The following DNAAF5 variants were observed in gnomAD, a reference collection of about 807,000 sequenced individuals.
The protein encoded by DNAAF5 is dynein axonemal assembly factor 5.
Under a neutral mutation model 75.8 loss-of-function variants are expected in DNAAF5, and 64 were observed. That is an observed-to-expected ratio of 0.84 (90% confidence interval 0.69 to 1.04). The LOEUF is 1.04. Ranked by LOEUF, DNAAF5 falls within the 50% of genes least tolerant of loss-of-function variation. DNAAF5 has a pLI of 0.00. For missense variants in DNAAF5, 1,269 were observed against 1,178.5 expected (o/e 1.08, Z -1.12); for synonymous variants, 657 against 557.2 (o/e 1.18, Z -2.52).
At chr7:734,368 C>T (rs1450581946) in intron 2 of DNAAF5, among the ~76,000 whole-genome samples, 3 of 152,180 alleles carry the variant, frequency 2.0e-5, no homozygotes, top group Admixed American at 6.5e-5. Flanking sequence ...TAGTTCTTGT[C>T]CTTCATTCTG....
At chr7:783,910 C>G (rs935178530) in intron 12 of DNAAF5, among the ~76,000 whole-genome samples, 1 of 152,174 alleles carries the variant, frequency 6.6e-6, no homozygotes, top group Non-Finnish European at 1.5e-5. Context: ...CAGCCCCGGC[C>G]CTCTCGCCTC....
rs186539381 is a variant in DNAAF5 at position 758,968 on chromosome 7, C to G, written c.1470+1974C>G. Among the ~76,000 whole-genome samples, 429 of 152,230 alleles carry G rather than the reference C, an allele frequency of 2.8e-3. 1 individual carries two copies. Among genetic ancestry groups the G allele is most frequent in the Non-Finnish European group, 4.7e-3 (317 of 68,010 alleles). On this transcript the variant is annotated intron_variant, in intron 6 of 12. Transcript: ENST00000297440. ...AAAGTGCTGGGATTACAGGTGTGAGCCACCGCACCTGGCCCCATTTTACTC... is the reference window on the plus strand; with the variant it reads ...AAAGTGCTGGGATTACAGGTGTGAGGCACCGCACCTGGCCCCATTTTACTC...
At chr7:753,784 CA>C (rs1562386307) in intron 4 of DNAAF5, among the ~76,000 whole-genome samples, 1 of 127,908 alleles carries the variant, frequency 7.8e-6, no homozygotes, top group African/African-American at 3.2e-5. Context: ...GTGTCTCTCT[CA>C]TCATATGGCG....
At chr7:772,606 G>C (rs1038606674) in intron 9 of DNAAF5, 1 of 152,260 alleles carries the variant, frequency 6.6e-6, no homozygotes, top group Non-Finnish European at 1.5e-5. Flanking sequence ...CCCCGGCTCT[G>C]CAGCGTCTTC....
chr7:774,667 C>T (rs1011899685), intron 10 of DNAAF5, among the ~76,000 whole-genome samples: 3 of 152,172 alleles, frequency 2.0e-5, no homozygotes, highest in African/African-American at 7.2e-5. Flanking sequence ...CCCTGGGCGC[C>T]CGTGCAGCAT....
intron 2 of DNAAF5, among the ~76,000 whole-genome samples, chr7:731,519 C>T (rs1441829544): frequency 6.6e-6 from 1 of 152,188 alleles, no homozygotes; most frequent in African/African-American, 2.4e-5. Flanking sequence ...GCAGCCTACT[C>T]TGTATCAATA....
At position 726,828 on chromosome 7, in the gene DNAAF5, G is replaced by A. The variant is rs1483558301; in HGVS notation, c.108G>A (p.Pro36=). 3.0e-6 allele frequency: 4 copies of A among 1,326,516 alleles called. No homozygotes were observed. The highest frequency in any genetic ancestry group is 3.8e-6 in the Non-Finnish European group (4 of 1,041,386). The allele number at this position is 1,326,516 out of a possible 1,614,324, so 82.2% of individuals were successfully genotyped here. A position where few individuals can be genotyped will look rare whatever the true frequency, so the allele number is the denominator to read the frequency against. ...ELSRALSRLL[P]GLEADSKPGR... is the part of the protein sequence containing the mutation. Reference sequence around the variant, plus strand: ...GCCGCGCCCTGAGCCGCCTGCTGCCGGGGCTGGAGGCCGACAGCAAGCCGG... The same window carrying A: ...GCCGCGCCCTGAGCCGCCTGCTGCCAGGGCTGGAGGCCGACAGCAAGCCGG... The change falls in exon 1 of 13, where the codon CCG becomes CCA. Residue 36 remains proline, a synonymous_variant. Coordinates refer to ENST00000297440, the MANE Select transcript of DNAAF5 (RefSeq NM_017802.4).
intron 2 of DNAAF5, 112 bp downstream of exon 2, chr7:729,959 TG>T (rs1223354586): frequency 1.0e-6 from 1 of 999,178 alleles, no homozygotes; most frequent in African/African-American, 1.6e-5. Context: ...ATGCACCAAA[TG>T]TCCTTTCATT....
intron 4 of DNAAF5, 54 bp downstream of exon 4, chr7:741,519 A>C: frequency 2.1e-6 from 2 of 947,582 alleles, no homozygotes; most frequent in East Asian, 8.0e-5. Flanking sequence ...GTTGGGTGGG[A>C]AAGGGGCTTC....
intron 3 of DNAAF5, 24 bp from the exon 4 acceptor site, chr7:741,323 T>C (rs1431421740): frequency 1.3e-6 from 2 of 1,559,374 alleles, no homozygotes; most frequent in East Asian, 2.3e-5. Context: ...CCTGAGCCAC[T>C]GTTGTCTGTC....
chr7:729,060 G>T (rs1450322977), intron 1 of DNAAF5, among the ~76,000 whole-genome samples: 1 of 150,740 alleles, frequency 6.6e-6, no homozygotes, highest in Non-Finnish European at 1.5e-5. Context: ...GCAGTGGGGC[G>T]ATCTCAGCTC....
intron 11 of DNAAF5, among the ~76,000 whole-genome samples, chr7:779,204 G>A (rs993354134): frequency 1.1e-4 from 16 of 152,220 alleles, no homozygotes; most frequent in African/African-American, 3.6e-4. Flanking sequence ...GCCCACCCTC[G>A]CGTCTGCAGC....
intron 2 of DNAAF5, among the ~76,000 whole-genome samples, chr7:734,073 T>G (rs1781662848): frequency 6.6e-6 from 1 of 152,242 alleles, no homozygotes; most frequent in African/African-American, 2.4e-5. Flanking sequence ...ATTATCTTCC[T>G]TTTCAATTTG....
chr7:735,179 T>TGGTGTAGCTGCTCAC (rs1275084971), intron 2 of DNAAF5, among the ~76,000 whole-genome samples: 6 of 147,336 alleles, frequency 4.1e-5, no homozygotes, highest in Non-Finnish European at 7.5e-5. Flanking sequence ...TAGCTGCTCA[T>TGGTGTAGCTGCTCAC]GGTGTAGCTG....
At chr7:745,563 G>GCAAATGTGCACACCCATATA (rs1339997425) in intron 4 of DNAAF5, among the ~76,000 whole-genome samples, 29 of 151,622 alleles carry the variant, frequency 1.9e-4, no homozygotes, top group Non-Finnish European at 4.1e-4. Flanking sequence ...ACACATCCTC[G>GCAAATGTGCACACCCATATA]CACATGTGCA....
chr7:780,187 C>T (rs561540958), intron 12 of DNAAF5, 43 bp downstream of exon 12: 13 of 1,568,452 alleles, frequency 8.3e-6, no homozygotes, highest in Admixed American at 5.2e-5. Context: ...TGCCTGCTTT[C>T]GGCGCCTGCC....
At position 770,347 on chromosome 7, in the gene DNAAF5, C is replaced by T. The variant is rs1415710017; in HGVS notation, c.1784-124C>T. ...ACCTTACTGATTGAGAAAGAGGAAG[C>T]GGGGAGGTGGTGGCCGATAGTGCCC... On this transcript the variant is annotated intron_variant, in intron 8 of 12. Coordinates refer to ENST00000297440, the MANE Select transcript of DNAAF5 (RefSeq NM_017802.4). 10 of 748,842 alleles carry T rather than the reference C, an allele frequency of 1.3e-5. No individual in the cohort carries two copies. In the Admixed American group the frequency reaches 2.3e-4, roughly 17 times the overall value. The allele number at this position is 748,842 out of a possible 1,614,324, so 46.4% of individuals were successfully genotyped here.
Position 738,068 on chromosome 7 carries a change from A to G in DNAAF5, c.781-2751A>G, listed in dbSNP as rs979733934. On this transcript the variant is annotated intron_variant, in intron 2 of 12. Transcript: ENST00000297440. ...CTCTTAGATTTGCCCCTTTGAGGCT[A>G]TTTTCCAGATGCTGTACATGTGCTT... Among the ~76,000 whole-genome samples, 12 of 152,056 alleles carry G rather than the reference A, an allele frequency of 7.9e-5. No homozygotes were observed. In the East Asian group the frequency reaches 1.6e-3, roughly 20 times the overall value.
intron 6 of DNAAF5, among the ~76,000 whole-genome samples, chr7:757,246 C>CCCT (rs1562388603): frequency 2.2e-4 from 33 of 152,252 alleles, no homozygotes; most frequent in African/African-American, 7.9e-4. Flanking sequence ...GCTCCAGCCC[C>CCCT]AGCCCCAGCC....
Sources: allele counts gnomAD v4.1 joint callset (sites outside exome capture counted in the v4.1 genomes callset), GRCh38; gene constraint gnomAD v4.1.1; transcripts MANE v1.5; gene names NCBI Gene and HGNC (gene_info 2026-07-23, HGNC 2026-07-21).